The following NFATC2 variants were observed in gnomAD, a reference collection of about 807,000 sequenced individuals.
The protein encoded by NFATC2 is nuclear factor of activated T-cells, cytoplasmic 2.
A neutral mutation model predicts 87.3 loss-of-function variants in NFATC2; 22 were observed. The ratio of observed to expected loss-of-function variants is 0.25; its 90% confidence interval spans 0.18 to 0.36. The LOEUF (loss-of-function observed/expected upper bound fraction) is 0.36. Ranked by LOEUF, NFATC2 falls within the 10% of genes least tolerant of loss-of-function variation. The probability of loss-of-function intolerance (pLI) is 1.00; values close to 1 mark genes in which losing one functional copy is unlikely to be tolerated. For missense variants in NFATC2, 1,149 were observed against 1,259.1 expected (o/e 0.91, Z 1.32); for synonymous variants, 565 against 542.2 (o/e 1.04, Z -0.58).
At chr20:51,493,391 A>T (rs2075932194) in intron 3 of NFATC2, among the ~76,000 whole-genome samples, 1 of 152,170 alleles carries the variant, frequency 6.6e-6, no homozygotes. Context: ...ATGGGCATAG[A>T]ATGGGGATTG....
intron 2 of NFATC2, among the ~76,000 whole-genome samples, chr20:51,520,848 C>A (rs1288935121): frequency 1.3e-5 from 2 of 151,722 alleles, no homozygotes; most frequent in Non-Finnish European, 2.9e-5. Flanking sequence ...TTAGTAGAGA[C>A]AGGGTTTCTC....
At chr20:51,422,593 G>A (rs1473341877) in intron 9 of NFATC2, among the ~76,000 whole-genome samples, 1 of 148,680 alleles carries the variant, frequency 6.7e-6, no homozygotes, top group East Asian at 1.9e-4. Context: ...TTTCTGAAAG[G>A]GTGGAAACTA....
chr20:51,395,041 A>G (rs1453844149), intron 10 of NFATC2, among the ~76,000 whole-genome samples: 1 of 152,202 alleles, frequency 6.6e-6, no homozygotes, highest in African/African-American at 2.4e-5. Flanking sequence ...CCCTTGGTTT[A>G]AGGAAGCTGA....
chr20:51,519,517 G>A (rs7270494), intron 2 of NFATC2, among the ~76,000 whole-genome samples: 4,045 of 151,316 alleles, frequency 0.027, 167 homozygotes, highest in African/African-American at 0.093. Context: ...CCAGCTACTC[G>A]GGAGGCTGAG....
chr20:51,396,836 C>CCTAACTGTTCTCAGGG (rs1555864804), intron 10 of NFATC2, among the ~76,000 whole-genome samples: 2 of 152,168 alleles, frequency 1.3e-5, no homozygotes, highest in Non-Finnish European at 2.9e-5. Flanking sequence ...TGCCTTTGGT[C>CCTAACTGTTCTCAGGG]CTAACTGTTC....
intron 3 of NFATC2, among the ~76,000 whole-genome samples, chr20:51,488,643 G>C (rs1022420016): frequency 6.6e-6 from 1 of 152,192 alleles, no homozygotes; most frequent in African/African-American, 2.4e-5. Context: ...CCATCAGAAA[G>C]TGTTGTTCAA....
At chr20:51,396,849 A>AG (rs541649422) in intron 10 of NFATC2, among the ~76,000 whole-genome samples, 110 of 152,084 alleles carry the variant, frequency 7.2e-4, no homozygotes, top group African/African-American at 2.6e-3. Flanking sequence ...AACTGTTCTC[A>AG]GGGGGAAGCG....
chr20:51,410,082 C>A (rs546231882), intron 9 of NFATC2, among the ~76,000 whole-genome samples: 93 of 151,974 alleles, frequency 6.1e-4, no homozygotes, highest in African/African-American at 2.1e-3. Context: ...TGGTGGCGGG[C>A]GCCTGTAGTC....
At chr20:51,460,076 C>T (rs1424007597) in intron 5 of NFATC2, among the ~76,000 whole-genome samples, 1 of 152,198 alleles carries the variant, frequency 6.6e-6, no homozygotes, top group Non-Finnish European at 1.5e-5. Context: ...ATGCTTAGCA[C>T]ACAGTAACAA....
intron 9 of NFATC2, among the ~76,000 whole-genome samples, chr20:51,409,175 G>T (rs998125136): frequency 1.3e-5 from 2 of 152,168 alleles, no homozygotes; most frequent in African/African-American, 4.8e-5. Flanking sequence ...ATTTGGTATC[G>T]TCTACTAAAG....
intron 1 of NFATC2, among the ~76,000 whole-genome samples, chr20:51,539,880 G>A (rs1368880533): frequency 1.3e-5 from 2 of 152,158 alleles, no homozygotes; most frequent in Non-Finnish European, 2.9e-5. Flanking sequence ...CCAGATTCTG[G>A]AGTATTACTC....
At chr20:51,448,605 T>C (rs1055754067) in intron 6 of NFATC2, among the ~76,000 whole-genome samples, 1 of 151,928 alleles carries the variant, frequency 6.6e-6, no homozygotes, top group Non-Finnish European at 1.5e-5. Context: ...GATCGCGCAC[T>C]CGCGCCACGC....
chr20:51,456,352 C>T (rs1986540916), intron 5 of NFATC2, among the ~76,000 whole-genome samples: 1 of 152,146 alleles, frequency 6.6e-6, no homozygotes, highest in African/African-American at 2.4e-5. Flanking sequence ...TCGCATTTGA[C>T]TGGGGAGAAA....
intron 3 of NFATC2, among the ~76,000 whole-genome samples, chr20:51,515,706 G>A (rs1217856037): frequency 4.7e-5 from 7 of 149,414 alleles, no homozygotes; most frequent in Non-Finnish European, 5.9e-5. Flanking sequence ...AAAAGCAATT[G>A]TCAGGACTTA....
chr20:51,546,901 G>A (rs1042469639), upstream of NFATC2, among the ~76,000 whole-genome samples: 1 of 152,184 alleles, frequency 6.6e-6, no homozygotes, highest in African/African-American at 2.4e-5. Context: ...AGCGATGAGG[G>A]AGTATGTGTA....
intron 9 of NFATC2, among the ~76,000 whole-genome samples, chr20:51,415,384 C>T (rs904166392): frequency 2.6e-5 from 4 of 152,180 alleles, no homozygotes; most frequent in African/African-American, 9.7e-5. Flanking sequence ...ATAGACAAGG[C>T]TGGAGTCAAC....
intron 10 of NFATC2, among the ~76,000 whole-genome samples, chr20:51,393,448 A>G (rs994779431): frequency 1.3e-5 from 2 of 151,136 alleles, no homozygotes; most frequent in Non-Finnish European, 2.9e-5. Flanking sequence ...TACATTATGT[A>G]TAACTTAACT....
intron 3 of NFATC2, among the ~76,000 whole-genome samples, chr20:51,489,273 T>A (rs1005750955): frequency 2.0e-5 from 3 of 152,218 alleles, no homozygotes; most frequent in African/African-American, 7.2e-5. Context: ...TTTGGCCCTA[T>A]CTCCCTCCTT....
chr20:51,398,700 T>C lies in NFATC2; in HGVS notation c.2753A>G (p.Gln918Arg). The C allele has an allele frequency of 6.2e-7, 1 of 1,613,436 alleles. No individual in the cohort carries two copies. The highest frequency in any genetic ancestry group is 8.5e-7 in the Non-Finnish European group (1 of 1,179,662). Residue 918 changes from glutamine to arginine, a missense_variant, in exon 10 of 11, where the codon CAA (glutamine) becomes CGA (arginine). By Grantham distance (43) the Gln-to-Arg change is conservative (BLOSUM62 1). Transcript: ENST00000371564. ...AGTCATTCTGTTTCATAATATGTTT[T>C]GTATCCAGCTAAGGTGTGTGTCTAT... is the stretch of plus-strand genomic sequence containing the variant. ...ELIDTHLSWI[Q>R]NIL
Sources: allele counts gnomAD v4.1 joint callset (sites outside exome capture counted in the v4.1 genomes callset), GRCh38; gene constraint gnomAD v4.1.1; transcripts MANE v1.5; gene names NCBI Gene and HGNC (gene_info 2026-07-23, HGNC 2026-07-21).